Variants in SEMA3A observed in about 807,000 individuals in gnomAD.
The protein encoded by SEMA3A is semaphorin-3A.
In SEMA3A, 29 loss-of-function variants were observed where a neutral mutation model predicts 97.9. That is an observed-to-expected ratio of 0.30 (90% CI 0.22 to 0.40). SEMA3A has a LOEUF of 0.40. SEMA3A is among the 10% of genes least tolerant of loss of function. SEMA3A has a pLI of 1.00. For missense variants in SEMA3A, 763 were observed against 951.3 expected, an observed-to-expected ratio of 0.80 and a Z score of 2.60; for synonymous variants, 321 against 323.7, an observed-to-expected ratio of 0.99 and a Z score of 0.09.
chr7:83,962,656 T>A (rs543014059), intron 16 of SEMA3A, among the ~76,000 whole-genome samples: 3 of 152,292 alleles, frequency 2.0e-5, no homozygotes, highest in African/African-American at 7.2e-5. Flanking sequence ...TACAATTCTT[T>A]ACTCTTATGG....
intron 1 of SEMA3A, among the ~76,000 whole-genome samples, chr7:84,483,808 G>A (rs1224872472): frequency 6.6e-6 from 1 of 152,096 alleles, no homozygotes; most frequent in Non-Finnish European, 1.5e-5. Context: ...ACTTTGGGAG[G>A]CTGAGGTGGG....
chr7:84,414,107 GC>G (rs1209222375), intron 1 of SEMA3A, among the ~76,000 whole-genome samples: 1 of 151,960 alleles, frequency 6.6e-6, no homozygotes, highest in Non-Finnish European at 1.5e-5. Context: ...ACCAACTTGA[GC>G]AATTTGATTC....
At chr7:84,279,899 C>T (rs777552961) in intron 3 of SEMA3A, among the ~76,000 whole-genome samples, 46 of 151,882 alleles carry the variant, frequency 3.0e-4, no homozygotes, top group East Asian at 5.8e-4. Flanking sequence ...TTTATTTTTA[C>T]GTATTTATTT....
intron 15 of SEMA3A, 67 bp downstream of exon 15, chr7:83,977,065 C>A: frequency 5.8e-6 from 5 of 861,004 alleles, no homozygotes; most frequent in Non-Finnish European, 8.9e-6. Context: ...CATGCATATG[C>A]ATGAATATGC....
intron 2 of SEMA3A, among the ~76,000 whole-genome samples, chr7:84,318,317 G>T (rs1363686642): frequency 2.4e-4 from 23 of 97,820 alleles, no homozygotes; most frequent in South Asian, 7.3e-4. Flanking sequence ...TGATTTCTTG[G>T]TTTTTTTTTT....
At chr7:84,065,467 T>G (rs929613709) in intron 4 of SEMA3A, among the ~76,000 whole-genome samples, 9 of 150,998 alleles carry the variant, frequency 6.0e-5, no homozygotes, top group East Asian at 1.9e-4. Flanking sequence ...TTCCAAAAAT[T>G]AATGAATCCA....
At chr7:84,388,388 C>A (rs1279190705) in intron 1 of SEMA3A, among the ~76,000 whole-genome samples, 1 of 151,904 alleles carries the variant, frequency 6.6e-6, no homozygotes, top group East Asian at 1.9e-4. Context: ...TAGGTTAATT[C>A]CTCCTGAATG....
At chr7:84,029,146 T>C (rs1386634945) in intron 6 of SEMA3A, among the ~76,000 whole-genome samples, 1 of 152,242 alleles carries the variant, frequency 6.6e-6, no homozygotes, top group Non-Finnish European at 1.5e-5. Flanking sequence ...TCAAAATTTA[T>C]ATAACTTTTT....
chr7:84,279,982 C>T (rs766150409), intron 3 of SEMA3A, among the ~76,000 whole-genome samples: 1 of 152,174 alleles, frequency 6.6e-6, no homozygotes, highest in African/African-American at 2.4e-5. Context: ...ACTGCAGCTT[C>T]GAACTCCAGG....
At chr7:84,488,133 A>C (rs6974510) in intron 1 of SEMA3A, among the ~76,000 whole-genome samples, 1 of 152,124 alleles carries the variant, frequency 6.6e-6, no homozygotes, top group Non-Finnish European at 1.5e-5. Flanking sequence ...AATAAAAGAT[A>C]TAAGTTTTTT....
At chr7:84,274,119 T>C (rs1222370413) in intron 3 of SEMA3A, among the ~76,000 whole-genome samples, 4 of 152,108 alleles carry the variant, frequency 2.6e-5, no homozygotes, top group East Asian at 1.9e-4. Flanking sequence ...TTTTTAACCA[T>C]TTAAAATTTA....
intron 1 of SEMA3A, among the ~76,000 whole-genome samples, chr7:84,488,393 C>A (rs1246388124): frequency 6.6e-6 from 1 of 151,248 alleles, no homozygotes; most frequent in Non-Finnish European, 1.5e-5. Flanking sequence ...AATTCAATTG[C>A]CATTCTATCT....
intron 1 of SEMA3A, among the ~76,000 whole-genome samples, chr7:84,404,957 C>T (rs1228122356): frequency 2.6e-5 from 4 of 152,166 alleles, no homozygotes; most frequent in African/African-American, 7.2e-5. Context: ...ATTGTAAAGA[C>T]CATCAAGGCT....
intron 3 of SEMA3A, among the ~76,000 whole-genome samples, chr7:84,210,192 G>T (rs936784371): frequency 1.3e-5 from 2 of 152,112 alleles, no homozygotes; most frequent in African/African-American, 4.8e-5. Flanking sequence ...AATAAGATGT[G>T]ATTCCTGCCC....
chr7:84,144,070 G>C (rs1416560666), intron 1 of SEMA3A, among the ~76,000 whole-genome samples: 1 of 151,334 alleles, frequency 6.6e-6, no homozygotes, highest in African/African-American at 2.4e-5. Context: ...AGAAGTGAAA[G>C]GTATGAATAC....
chr7:84,419,496 T>C (rs2116274417), intron 1 of SEMA3A, among the ~76,000 whole-genome samples: 1 of 146,488 alleles, frequency 6.8e-6, no homozygotes, highest in South Asian at 2.2e-4. Flanking sequence ...CAAAACATTG[T>C]AAGGCAAACA....
intron 6 of SEMA3A, among the ~76,000 whole-genome samples, chr7:84,030,680 A>G (rs1184401470): frequency 3.3e-5 from 5 of 152,196 alleles, no homozygotes; most frequent in Non-Finnish European, 7.4e-5. Flanking sequence ...AAGAACAATT[A>G]TAATAACAGA....
At chr7:83,969,104 C>A (rs1788825925) in intron 15 of SEMA3A, among the ~76,000 whole-genome samples, 1 of 152,148 alleles carries the variant, frequency 6.6e-6, no homozygotes. Flanking sequence ...AGCCACTGCA[C>A]CAGTCTTTTA....
At chr7:84,273,593 G>C (rs1260447805) in intron 3 of SEMA3A, among the ~76,000 whole-genome samples, 1 of 152,094 alleles carries the variant, frequency 6.6e-6, no homozygotes, top group East Asian at 1.9e-4. Flanking sequence ...AACAAACTTT[G>C]AGAAATGTCC....
Sources: allele counts gnomAD v4.1 joint callset (sites outside exome capture counted in the v4.1 genomes callset), GRCh38; gene constraint gnomAD v4.1.1; transcripts MANE v1.5; gene names NCBI Gene and HGNC (gene_info 2026-07-23, HGNC 2026-07-21).